Variants in ANO1 observed in about 807,000 individuals in gnomAD.
ANO1 encodes the protein anoctamin-1.
In ANO1, 59 loss-of-function variants were observed where a neutral mutation model predicts 124.0. That is an observed-to-expected ratio of 0.48 (90% CI 0.39 to 0.59). The LOEUF (loss-of-function observed/expected upper bound fraction) is 0.59. Ranked by LOEUF, ANO1 falls within the 20% of genes least tolerant of loss-of-function variation. The pLI, the probability that ANO1 is intolerant of heterozygous loss-of-function variation, is 0.00. For synonymous variants in ANO1, 529 were observed against 532.0 expected (o/e 0.99, Z 0.08); for missense variants, 1,059 against 1,328.0 (o/e 0.80, Z 3.15).
chr11:70,031,000 A>T (rs1856990771), intron 1 of ANO1, among the ~76,000 whole-genome samples: 1 of 152,236 alleles, frequency 6.6e-6, no homozygotes, highest in Admixed American at 6.5e-5. Context: ...GCTGGAGTGC[A>T]GTGGCACAAT....
the ANO1 span, among the ~76,000 whole-genome samples, chr11:69,972,066 T>A: frequency 9.1e-5 from 12 of 132,064 alleles, no homozygotes; most frequent in East Asian, 2.5e-4. Context: ...ACTAAAAAAA[T>A]AAATAAATAA....
intron 19 of ANO1, among the ~76,000 whole-genome samples, chr11:70,164,768 C>T (rs1241741223): frequency 1.3e-5 from 2 of 152,184 alleles, no homozygotes; most frequent in African/African-American, 4.8e-5. Context: ...TGGCTGCTGC[C>T]TCCTGTGGGG....
chr11:70,172,388 A>G (rs2048513866), intron 22 of ANO1, among the ~76,000 whole-genome samples: 1 of 152,162 alleles, frequency 6.6e-6, no homozygotes, highest in Admixed American at 6.5e-5. Context: ...AAATTACAAA[A>G]ATACATTGAT....
At chr11:70,060,261 C>G (rs1555007565) in intron 1 of ANO1, among the ~76,000 whole-genome samples, 1 of 152,154 alleles carries the variant, frequency 6.6e-6, no homozygotes, top group Non-Finnish European at 1.5e-5. Context: ...ATCAGTTCGG[C>G]TTGTTGGGAA....
chr11:70,016,781 A>C (rs1565161541), intron 1 of ANO1, among the ~76,000 whole-genome samples: 2 of 152,144 alleles, frequency 1.3e-5, no homozygotes. Flanking sequence ...ATCTGGCTGC[A>C]CTCTAGACAT....
the ANO1 span, among the ~76,000 whole-genome samples, chr11:69,977,777 G>A: frequency 1.3e-5 from 2 of 152,234 alleles, no homozygotes; most frequent in Non-Finnish European, 2.9e-5. Flanking sequence ...GAGACCCAGC[G>A]CTCTGAAGAC....
intron 1 of ANO1, among the ~76,000 whole-genome samples, chr11:70,019,856 A>T (rs909268493): frequency 3.3e-5 from 5 of 152,214 alleles, no homozygotes; most frequent in Non-Finnish European, 7.3e-5. Context: ...GTCCAGTCCC[A>T]CGCACGTCTT....
intron 1 of ANO1, among the ~76,000 whole-genome samples, chr11:69,996,025 C>T (rs141881060): frequency 3.3e-5 from 5 of 152,280 alleles, no homozygotes; most frequent in East Asian, 1.9e-4. Context: ...ACAGGAGAAT[C>T]GCTTGAACCC....
intron 23 of ANO1, 65 bp from the exon 24 acceptor site, chr11:70,182,437 C>T (rs1317743): frequency 0.072 from 98,619 of 1,374,552 alleles, 4,051 homozygotes; most frequent in Non-Finnish European, 0.083. Context: ...GGGTCACCCC[C>T]TGTTGCGGCC....
intron 8 of ANO1, among the ~76,000 whole-genome samples, chr11:70,118,217 A>G (rs1345999300): frequency 4.0e-5 from 4 of 99,910 alleles, no homozygotes; most frequent in Admixed American, 1.2e-4. Context: ...CCCCTCCTCC[A>G]TTCTCCAGCC....
chr11:70,011,107 G>A (rs1856592116), intron 1 of ANO1, among the ~76,000 whole-genome samples: 1 of 152,194 alleles, frequency 6.6e-6, no homozygotes, highest in African/African-American at 2.4e-5. Context: ...CCTCCTGGAG[G>A]GAGTGACCTT....
In ANO1 at chr11:70,137,640, G is replaced by A. The variant is rs1056161411; in HGVS notation, c.1258+5561G>A. Among the ~76,000 whole-genome samples the A allele has an allele frequency of 3.4e-5, 5 of 146,122 alleles. No homozygotes were observed. In the East Asian group the frequency reaches 1.0e-3, roughly 30 times the overall value. ...ACTTGACGGTCACTGGATTACTCAGGCTGACTTGGCTGCGTAGTAGGACGG... is the reference window on the plus strand; with the variant it reads ...ACTTGACGGTCACTGGATTACTCAGACTGACTTGGCTGCGTAGTAGGACGG... On this transcript the variant is annotated intron_variant, in intron 11 of 25. Transcript: ENST00000355303.
chr11:70,042,647 A>G (rs1338097534), intron 1 of ANO1, among the ~76,000 whole-genome samples: 2 of 152,198 alleles, frequency 1.3e-5, no homozygotes, highest in African/African-American at 4.8e-5. Flanking sequence ...ACCCAGGGCT[A>G]GGGAAAGAAC....
At chr11:69,968,203 C>T in the ANO1 span, among the ~76,000 whole-genome samples, 1 of 152,160 alleles carries the variant, frequency 6.6e-6, no homozygotes. Context: ...ACGTCCTCTC[C>T]TGTAGTACAA....
intron 1 of ANO1, among the ~76,000 whole-genome samples, chr11:69,992,486 G>A (rs1856175872): frequency 6.6e-6 from 1 of 152,156 alleles, no homozygotes; most frequent in African/African-American, 2.4e-5. Context: ...ACCTCCAAGA[G>A]TGTTCTCTTG....
intron 1 of ANO1, among the ~76,000 whole-genome samples, chr11:70,026,725 C>G (rs908210028): frequency 2.0e-5 from 3 of 152,104 alleles, no homozygotes; most frequent in Non-Finnish European, 4.4e-5. Context: ...AGTTCTGTTC[C>G]AGGCTTCTTA....
intron 1 of ANO1, among the ~76,000 whole-genome samples, chr11:70,027,954 T>C (rs1856938227): frequency 6.6e-6 from 1 of 152,184 alleles, no homozygotes; most frequent in Non-Finnish European, 1.5e-5. Context: ...GGGTTTTGGG[T>C]CTCTGTGGTT....
chr11:70,179,199 A>C (rs1195642836), intron 22 of ANO1, among the ~76,000 whole-genome samples: 1 of 152,234 alleles, frequency 6.6e-6, no homozygotes, highest in Non-Finnish European at 1.5e-5. Context: ...GAGCTGGCTC[A>C]GGGCACAGAG....
intron 1 of ANO1, among the ~76,000 whole-genome samples, chr11:70,057,255 G>T (rs1175867555): frequency 6.6e-6 from 1 of 152,200 alleles, no homozygotes; most frequent in African/African-American, 2.4e-5. Context: ...CTTCCGAGAG[G>T]ATTCTTGTCT....
Sources: allele counts gnomAD v4.1 joint callset (sites outside exome capture counted in the v4.1 genomes callset), GRCh38; gene constraint gnomAD v4.1.1; transcripts MANE v1.5; gene names NCBI Gene and HGNC (gene_info 2026-07-23, HGNC 2026-07-21).